The following CHSY3 variants were observed in gnomAD, a reference collection of about 807,000 sequenced individuals.
CHSY3 encodes the protein chondroitin sulfate synthase 3.
A neutral mutation model predicts 67.2 loss-of-function variants in CHSY3; 35 were observed. The ratio of observed to expected loss-of-function variants is 0.52; its 90% CI spans 0.40 to 0.69. The LOEUF is 0.69. Ranked by LOEUF, CHSY3 falls within the 30% of genes least tolerant of loss-of-function variation. CHSY3 has a pLI of 0.00. For synonymous variants in CHSY3, 474 were observed against 434.7 expected (o/e 1.09, Z -1.12); for missense variants, 1,069 against 1,138.5 (o/e 0.94, Z 0.88).
intron 2 of CHSY3, among the ~76,000 whole-genome samples, chr5:130,115,739 C>T (rs1233959348): frequency 1.3e-5 from 2 of 152,176 alleles, no homozygotes; most frequent in African/African-American, 2.4e-5. Context: ...TTTCAGACAA[C>T]CAAAAACAAA....
intron 2 of CHSY3, among the ~76,000 whole-genome samples, chr5:130,142,567 A>G (rs1413944906): frequency 6.6e-6 from 1 of 152,194 alleles, no homozygotes; most frequent in Non-Finnish European, 1.5e-5. Flanking sequence ...AAGGGTTTTC[A>G]TTTTTATTAT....
Position 129,904,904 on chromosome 5 carries a change from G to A in CHSY3, c.75G>A (p.Trp25Ter). 1.3e-6 allele frequency: 2 copies of A among 1,530,182 alleles called. No homozygotes were observed. Among genetic ancestry groups the A allele is most frequent in the African/African-American group, 1.4e-5 (1 of 72,374 alleles). The allele number at this position is 1,530,182 out of a possible 1,614,324, so 94.8% of individuals were successfully genotyped here. A position where few individuals can be genotyped will look rare whatever the true frequency, so the allele number is the denominator to read the frequency against. ...TGCTGGGCTTCACCGCCGCGTCCTG[G>A]CTCATCGCCCCCAGGGTGGCGGAGC... is the stretch of plus-strand genomic sequence containing the variant. ...GLVLGFTAAS[W>*]LIAPRVAELS... The change falls in exon 1 of 3, where the codon TGG becomes TGA. Residue 25 changes from tryptophan to a stop codon, truncating the protein, a stop_gained. Coordinates refer to ENST00000305031, the MANE Select transcript of CHSY3 (RefSeq NM_175856.5). LOFTEE classifies it high-confidence loss of function.
At chr5:130,001,318 A>C in intron 2 of CHSY3, 2 of 380,426 alleles carry the variant, frequency 5.3e-6, no homozygotes, top group Non-Finnish European at 7.2e-6. Context: ...ATGATGCAAA[A>C]AGTTTTAGAA....
chr5:130,144,639 A>G (rs1176370744), intron 2 of CHSY3, among the ~76,000 whole-genome samples: 1 of 152,136 alleles, frequency 6.6e-6, no homozygotes, highest in East Asian at 1.9e-4. Flanking sequence ...CTCTTCAGAG[A>G]AATGGAAAAA....
chr5:129,995,452 A>G (rs1763506997), intron 2 of CHSY3, among the ~76,000 whole-genome samples: 1 of 151,864 alleles, frequency 6.6e-6, no homozygotes, highest in Admixed American at 6.6e-5. Flanking sequence ...TAATTCGTCG[A>G]TTAAAAAAAA....
chr5:130,113,128 ATATT>A (rs1767641680), intron 2 of CHSY3, among the ~76,000 whole-genome samples: 1 of 152,066 alleles, frequency 6.6e-6, no homozygotes, highest in African/African-American at 2.4e-5. Flanking sequence ...GTGTGTATAT[ATATT>A]ATATATAATG....
At chr5:130,094,804 T>C (rs1222500904) in intron 2 of CHSY3, among the ~76,000 whole-genome samples, 2 of 152,114 alleles carry the variant, frequency 1.3e-5, no homozygotes, top group South Asian at 2.1e-4. Context: ...GAGCTGACCT[T>C]CCATCATTTG....
At chr5:130,077,262 A>G (rs1236008329) in intron 2 of CHSY3, among the ~76,000 whole-genome samples, 1 of 152,008 alleles carries the variant, frequency 6.6e-6, no homozygotes, top group Non-Finnish European at 1.5e-5. Context: ...CCCACTCCCC[A>G]CACCCTCAGT....
At chr5:129,991,231 G>A (rs1580622201) in intron 2 of CHSY3, among the ~76,000 whole-genome samples, 1 of 152,256 alleles carries the variant, frequency 6.6e-6, no homozygotes, top group East Asian at 1.9e-4. Context: ...GGAGGAAGGT[G>A]ATGCTGGAGT....
rs142686148 is a variant in CHSY3, at chr5:129,998,290, G to A, written c.1086+89930G>A. Among the ~76,000 whole-genome samples the A allele has an allele frequency of 1.2e-4, 19 of 152,248 alleles. No individual in the cohort carries two copies. In the East Asian group the frequency reaches 3.7e-3, roughly 29 times the overall value. On this transcript the variant is annotated intron_variant, in intron 2 of 2. Coordinates refer to ENST00000305031, the MANE Select transcript of CHSY3 (RefSeq NM_175856.5). ...CCCACTTAAAAGTAGGTATCTTTAA[G>A]ATCCTTGTTCATTAGTATATGAGGA... is the stretch of plus-strand genomic sequence containing the variant.
intron 2 of CHSY3, among the ~76,000 whole-genome samples, chr5:130,121,647 G>T (rs77914315): frequency 0.054 from 8,136 of 152,010 alleles, 610 homozygotes; most frequent in African/African-American, 0.15. Context: ...GGGTAATTTA[G>T]GGCAGCAATA....
rs772299728 is a variant in CHSY3, at chr5:129,908,229, C to G, written c.955C>G (p.Arg319Gly). 12 of 1,614,060 alleles carry G rather than the reference C, an allele frequency of 7.4e-6. No individual in the cohort carries two copies. The South Asian group carries it at 8.8e-5, about 12-fold the overall frequency. The change falls in exon 2 of 3, where the codon CGA (arginine) becomes GGA (glycine). Residue 319 changes from arginine (R) to glycine (G), a missense_variant. By Grantham distance (125) the Arg-to-Gly change is moderately radical (BLOSUM62 -2). This residue lies in a region of CHSY3 where 216 missense variants were observed against 311.5 expected (regional missense o/e 0.69). Transcript: ENST00000305031. ...GGGAGGACCTGGCATGATCTTTAGCCGAGAAGTTCTCAGGAGGATGGTGCC... is the reference window on the plus strand; with the variant it reads ...GGGAGGACCTGGCATGATCTTTAGCGGAGAAGTTCTCAGGAGGATGGTGCC... ...CMGGPGMIFS[R>G]EVLRRMVPHI...
At chr5:130,059,709 A>G (rs1182597007) in intron 2 of CHSY3, among the ~76,000 whole-genome samples, 4 of 152,158 alleles carry the variant, frequency 2.6e-5, no homozygotes, top group Non-Finnish European at 5.9e-5. Flanking sequence ...CAACTACCCT[A>G]TAATTAGGAA....
chr5:130,042,597 G>A (rs1765035294), intron 2 of CHSY3, among the ~76,000 whole-genome samples: 1 of 152,066 alleles, frequency 6.6e-6, no homozygotes, highest in African/African-American at 2.4e-5. Context: ...TTCTCAGTTT[G>A]TTAAAGGTAC....
At chr5:130,001,568 C>G in intron 2 of CHSY3, 1 of 878,608 alleles carries the variant, frequency 1.1e-6, no homozygotes, top group Non-Finnish European at 1.4e-6. Flanking sequence ...CTGTCCTTGC[C>G]TTTATTCCAA....
At chr5:130,040,834 T>C (rs1764988085) in intron 2 of CHSY3, among the ~76,000 whole-genome samples, 2 of 152,128 alleles carry the variant, frequency 1.3e-5, no homozygotes, top group Non-Finnish European at 2.9e-5. Flanking sequence ...CAGTGTCTAT[T>C]CTATACTGAT....
chr5:130,002,474 A>G (rs1023662991), intron 2 of CHSY3, among the ~76,000 whole-genome samples: 2 of 152,180 alleles, frequency 1.3e-5, no homozygotes, highest in African/African-American at 4.8e-5. Flanking sequence ...AGGGAGCCAC[A>G]GGAAGCTGAG....
Position 130,131,819 on chromosome 5 carries a change from C to T in CHSY3, c.1087-52410C>T, listed in dbSNP as rs79732141. Among the ~76,000 whole-genome samples the T allele has an allele frequency of 2.0e-5, 3 of 152,236 alleles. No individual in the cohort carries two copies. In the East Asian group the frequency reaches 5.8e-4, roughly 29 times the overall value. On this transcript the variant is annotated intron_variant, in intron 2 of 2. Coordinates refer to ENST00000305031, the MANE Select transcript of CHSY3 (RefSeq NM_175856.5). ...GTCTACTTGTTTCACTACTGTGCCCCAGAGCCTGGAACAATGTGTGTATGT... is the reference window on the plus strand; with the variant it reads ...GTCTACTTGTTTCACTACTGTGCCCTAGAGCCTGGAACAATGTGTGTATGT...
At chr5:130,082,526 T>C (rs1185685330) in intron 2 of CHSY3, among the ~76,000 whole-genome samples, 3 of 152,076 alleles carry the variant, frequency 2.0e-5, no homozygotes, top group Non-Finnish European at 4.4e-5. Context: ...GAATTAATTT[T>C]CCTCTTATAT....
Sources: gnomAD v4.1 joint callset for allele counts (sites outside exome capture counted in the v4.1 genomes callset) on GRCh38, gnomAD v4.1.1 for gene constraint, gnomAD v4.1.1 regional missense constraint, MANE v1.5 for transcripts, NCBI Gene and HGNC (gene_info 2026-07-23, HGNC 2026-07-21) for gene names.